RSU1: variants seen among roughly 807,000 people sequenced by gnomAD.
RSU1 encodes rsu-1.
Under a neutral mutation model 31.1 loss-of-function variants are expected in RSU1, and 26 were observed. The ratio of observed to expected loss-of-function variants is 0.84; its 90% CI spans 0.61 to 1.16. The LOEUF (loss-of-function observed/expected upper bound fraction) is 1.16. Among genes scored for constraint, RSU1 ranks in the 50% most tolerant of loss-of-function variants. RSU1 has a pLI of 0.00. For synonymous variants in RSU1, 164 were observed against 136.3 expected (o/e 1.20, Z -1.41); for missense variants, 320 against 339.1 (o/e 0.94, Z 0.44).
chr10:16,724,969 CAAT>C (rs747051300), intron 7 of RSU1, among the ~76,000 whole-genome samples: 3 of 152,164 alleles, frequency 2.0e-5, no homozygotes, highest in Non-Finnish European at 4.4e-5. Context: ...CAGCAAAAGT[CAAT>C]GATATTAGAA....
intron 8 of RSU1, among the ~76,000 whole-genome samples, chr10:16,603,619 A>G (rs905670494): frequency 2.0e-5 from 3 of 152,230 alleles, no homozygotes; most frequent in Non-Finnish European, 2.9e-5. Context: ...TTAAGAAAAT[A>G]GGTAATCCTT....
At chr10:16,803,153 G>C (rs1838191706) in intron 2 of RSU1, among the ~76,000 whole-genome samples, 1 of 152,054 alleles carries the variant, frequency 6.6e-6, no homozygotes, top group South Asian at 2.1e-4. Context: ...AAGAAGAACT[G>C]AAACTAATAA....
At chr10:16,684,918 G>T (rs1361567637) in intron 8 of RSU1, among the ~76,000 whole-genome samples, 1 of 152,156 alleles carries the variant, frequency 6.6e-6, no homozygotes, top group Non-Finnish European at 1.5e-5. Flanking sequence ...TAAAGTATGT[G>T]CATTTTGACA....
intron 4 of RSU1, among the ~76,000 whole-genome samples, chr10:16,755,913 T>A (rs1837075098): frequency 6.6e-6 from 1 of 152,230 alleles, no homozygotes; most frequent in Admixed American, 6.5e-5. Flanking sequence ...GAAAATTTCT[T>A]AGCTGTTATT....
chr10:16,654,762 C>A (rs1015102522), intron 8 of RSU1, among the ~76,000 whole-genome samples: 1 of 151,460 alleles, frequency 6.6e-6, no homozygotes, highest in African/African-American at 2.4e-5. Context: ...CTTTTCCTTT[C>A]TAAATAGAGA....
intron 8 of RSU1, among the ~76,000 whole-genome samples, chr10:16,668,666 T>C (rs892865473): frequency 1.3e-5 from 2 of 152,178 alleles, no homozygotes; most frequent in African/African-American, 4.8e-5. Context: ...GGTCCTCAGA[T>C]ATAAATTTCA....
intron 8 of RSU1, among the ~76,000 whole-genome samples, chr10:16,616,585 T>C (rs1833981575): frequency 6.6e-6 from 1 of 152,024 alleles, no homozygotes; most frequent in Non-Finnish European, 1.5e-5. Flanking sequence ...AGGCCAATAT[T>C]CCTGATGAAG....
intron 3 of RSU1, among the ~76,000 whole-genome samples, chr10:16,779,318 G>C (rs1032091415): frequency 6.6e-6 from 1 of 152,174 alleles, no homozygotes; most frequent in Admixed American, 6.5e-5. Context: ...CCAGATTCTT[G>C]AGGAATTTCA....
intron 2 of RSU1, among the ~76,000 whole-genome samples, chr10:16,814,046 T>G (rs537532812): frequency 6.6e-6 from 1 of 152,264 alleles, no homozygotes; most frequent in Admixed American, 6.5e-5. Flanking sequence ...AAACTTGAGA[T>G]GCAAGAAACA....
At chr10:16,765,226 C>G (rs1837289808) in intron 3 of RSU1, among the ~76,000 whole-genome samples, 1 of 152,058 alleles carries the variant, frequency 6.6e-6, no homozygotes, top group African/African-American at 2.4e-5. Flanking sequence ...GAAAAGCTGT[C>G]CTCTTAACAT....
intron 2 of RSU1, among the ~76,000 whole-genome samples, chr10:16,815,395 G>A (rs7899923): frequency 0.18 from 27,834 of 152,118 alleles, 2,725 homozygotes; most frequent in African/African-American, 0.24. Context: ...CGTGAAAACC[G>A]TGAATTCACA....
intron 2 of RSU1, among the ~76,000 whole-genome samples, chr10:16,797,820 C>A (rs528682382): frequency 6.8e-6 from 1 of 147,630 alleles, no homozygotes; most frequent in African/African-American, 2.5e-5. Flanking sequence ...ATACGTAATA[C>A]TTTACAAGAA....
intron 7 of RSU1, among the ~76,000 whole-genome samples, chr10:16,725,934 A>G (rs1471738319): frequency 6.6e-6 from 1 of 150,794 alleles, no homozygotes; most frequent in African/African-American, 2.4e-5. Flanking sequence ...AACAAATCAA[A>G]AAGCTATCAA....
intron 8 of RSU1, among the ~76,000 whole-genome samples, chr10:16,676,635 T>C (rs981342793): frequency 2.0e-5 from 3 of 152,196 alleles, no homozygotes; most frequent in East Asian, 3.9e-4. Flanking sequence ...TATTTACCAG[T>C]GCATTATCTC....
intron 7 of RSU1, among the ~76,000 whole-genome samples, chr10:16,695,485 C>A (rs1023141589): frequency 2.0e-5 from 3 of 152,192 alleles, no homozygotes; most frequent in Non-Finnish European, 4.4e-5. Flanking sequence ...ATTTAAAATT[C>A]TATCTTGACC....
chr10:16,737,782 A>C (rs1836660866), intron 7 of RSU1, among the ~76,000 whole-genome samples: 1 of 151,848 alleles, frequency 6.6e-6, no homozygotes, highest in African/African-American at 2.4e-5. Context: ...TATTACTGGG[A>C]GTTATAACAT....
intron 2 of RSU1, among the ~76,000 whole-genome samples, chr10:16,803,001 C>A (rs1838188709): frequency 6.6e-6 from 1 of 152,052 alleles, no homozygotes; most frequent in Non-Finnish European, 1.5e-5. Context: ...CCACTTCTAG[C>A]CAAAATCAGA....
intron 8 of RSU1, among the ~76,000 whole-genome samples, chr10:16,628,982 C>A (rs1834203422): frequency 6.6e-6 from 1 of 152,198 alleles, no homozygotes; most frequent in Admixed American, 6.5e-5. Flanking sequence ...CATCCCTCCT[C>A]ACTGTCCTCC....
rs1588556483 is a variant in RSU1, at chr10:16,817,420, G to A, written c.-109C>T. The A allele has an allele frequency of 8.2e-6, 2 of 244,930 alleles. No individual in the cohort carries two copies. Among genetic ancestry groups the A allele is most frequent in the Admixed American group, 5.3e-5 (1 of 18,706 alleles). The allele number at this position is 244,930 out of a possible 1,614,324, so 15.2% of individuals were successfully genotyped here. ...AACACCGGCACTGAACAGCGAACACGCCCTGTCTCGGCGCCCCGCGCAGGC... is the reference window on the plus strand; with the variant it reads ...AACACCGGCACTGAACAGCGAACACACCCTGTCTCGGCGCCCCGCGCAGGC... On this transcript the variant is annotated 5_prime_UTR_variant, in exon 1 of 9. Transcript: ENST00000345264.
Sources: allele counts gnomAD v4.1 joint callset (sites outside exome capture counted in the v4.1 genomes callset), GRCh38; gene constraint gnomAD v4.1.1; transcripts MANE v1.5; gene names NCBI Gene and HGNC (gene_info 2026-07-23, HGNC 2026-07-21).